The following SLC24A1 variants were observed in gnomAD, a reference collection of about 807,000 sequenced individuals.
SLC24A1 encodes the protein sodium/potassium/calcium exchanger 1.
In SLC24A1, 52 loss-of-function variants were observed where a neutral mutation model predicts 88.1. The ratio of observed to expected loss-of-function variants is 0.59; its 90% CI spans 0.47 to 0.74. The LOEUF (loss-of-function observed/expected upper bound fraction) is 0.74, where lower values mean the gene tolerates loss of function less well. Among genes scored for constraint, SLC24A1 ranks in the 30% least tolerant of loss-of-function variants. SLC24A1 has a pLI of 0.00. For missense variants in SLC24A1, 1,173 were observed against 1,363.3 expected, an observed-to-expected ratio of 0.86 and a Z score of 2.20; for synonymous variants, 455 against 498.0, an observed-to-expected ratio of 0.91 and a Z score of 1.15.
rs1194570484 is a variant in SLC24A1 at position 65,655,899 on chromosome 15, G to A, written c.*1820G>A. 1 of 985,102 alleles carries A rather than the reference G, an allele frequency of 1.0e-6. No homozygotes were observed. The highest frequency in any genetic ancestry group is 6.2e-5 in the Admixed American group (1 of 16,246). The allele number at this position is 985,102 out of a possible 1,614,324, so 61.0% of individuals were successfully genotyped here. A position where few individuals can be genotyped will look rare whatever the true frequency, so the allele number is the denominator to read the frequency against. On this transcript the variant is annotated 3_prime_UTR_variant, in exon 10 of 10. Transcript: ENST00000261892. ...ATGGATGGGCTCATCCTTATCTTTA[G>A]GTCATTTGGTCAGAATCCTCCCGAG...
downstream of SLC24A1, among the ~76,000 whole-genome samples, chr15:65,657,553 G>C (rs906366676): frequency 2.0e-5 from 3 of 152,214 alleles, no homozygotes; most frequent in African/African-American, 7.2e-5. Flanking sequence ...TGAGGCAGGA[G>C]AATGGCGTGA....
In SLC24A1 at chr15:65,645,455, A is replaced by G. The variant is rs185851821; in HGVS notation, c.2141-157A>G. On this transcript the variant is annotated intron_variant, in intron 5 of 9. Coordinates refer to ENST00000261892, the MANE Select transcript of SLC24A1 (RefSeq NM_004727.3). ...ATAGGTCAGGGCAATAACAATTCAC[A>G]TCATCTTACTTTTCCTACCAACAAG... Among the ~76,000 whole-genome samples, 33 of 152,332 alleles carry G rather than the reference A, an allele frequency of 2.2e-4. No homozygotes were observed. The East Asian group carries it at 6.0e-3, about 28-fold the overall frequency.
chr15:65,626,458 A>T (rs906122451), intron 2 of SLC24A1, among the ~76,000 whole-genome samples: 28 of 152,304 alleles, frequency 1.8e-4, no homozygotes, highest in African/African-American at 6.7e-4. Context: ...ATTAGTTCAC[A>T]TTCCAGACTT....
downstream of SLC24A1, chr15:65,660,136 T>C (rs955591231): frequency 1.5e-5 from 9 of 584,972 alleles, no homozygotes; most frequent in Non-Finnish European, 1.5e-5. Context: ...AGCTTGGATC[T>C]GAATAGTAAA....
rs139952685 is a variant in SLC24A1 at position 65,648,793 on chromosome 15, C to A, written c.2233-1589C>A. On this transcript the variant is annotated intron_variant, in intron 6 of 9. Transcript: ENST00000261892. The stretch of plus-strand genomic sequence containing the variant: ...GAGATTACAGGTGTGAGCCACCGTG[C>A]CCAGCCTATCTCTTAAATTTTTTAC... Among the ~76,000 whole-genome samples, 1,083 of 152,196 alleles carry A rather than the reference C, an allele frequency of 7.1e-3. 12 individuals carry two copies. The highest frequency in any genetic ancestry group is 0.04 in the South Asian group (193 of 4,812).
intron 2 of SLC24A1, among the ~76,000 whole-genome samples, chr15:65,632,926 G>A (rs1473225678): frequency 2.0e-5 from 3 of 152,232 alleles, no homozygotes; most frequent in East Asian, 3.8e-4. Flanking sequence ...CTTCTCAGTG[G>A]GAAAGACAGA....
chr15:65,618,161 A>G (rs1486614774), upstream of SLC24A1, among the ~76,000 whole-genome samples: 1 of 152,222 alleles, frequency 6.6e-6, no homozygotes, highest in African/African-American at 2.4e-5. Flanking sequence ...TTCTATATCT[A>G]TTGGTGACAG....
intron 2 of SLC24A1, among the ~76,000 whole-genome samples, chr15:65,615,592 A>G (rs916537794): frequency 6.6e-6 from 1 of 151,946 alleles, no homozygotes; most frequent in Admixed American, 6.6e-5. Context: ...GAGGCATGAG[A>G]ATCGCCTGAA....
Position 65,625,537 on chromosome 15 carries a change from A to T in SLC24A1, c.1457A>T (p.Asp486Val). Residue 486 changes from aspartate to valine, a missense_variant, in exon 2 of 10, where the codon GAC becomes GTC. Physicochemically the swap from Asp to Val is radical, Grantham distance 152. Coordinates refer to ENST00000261892, the MANE Select transcript of SLC24A1 (RefSeq NM_004727.3). ...YFVPALGVIT[D>V]KLQISEDVAG... ...GTTCCAGCCCTGGGTGTCATCACAG[A>T]CAAGCTGCAGATCTCCGAGGATGTG... 1 of 1,614,014 alleles carries T rather than the reference A, an allele frequency of 6.2e-7. No homozygotes were observed.
intron 4 of SLC24A1, chr15:65,643,852 C>T (rs2075216591): frequency 6.5e-6 from 1 of 153,802 alleles, no homozygotes; most frequent in African/African-American, 2.4e-5. Context: ...CCCTTTTCCA[C>T]TGGAGAGGGA....
chr15:65,656,396 C>A, downstream of SLC24A1: 1 of 270,424 alleles, frequency 3.7e-6, no homozygotes. Flanking sequence ...TAGGAATTCA[C>A]TGGGGGAGAG....
rs374148087 is a variant in SLC24A1 at position 65,625,856 on chromosome 15, C to T, written c.1776C>T (p.Ala592=). The change falls in exon 2 of 10, where the codon GCC becomes GCT. Residue 592 remains alanine (A), a synonymous_variant. Transcript: ENST00000261892. ...GGGAGAGCCTGCTGCTGCTGCTGGC[C>T]TATGCCTTCTATGTGTTCACCATGA... ...AWWESLLLLL[A]YAFYVFTMKW... The T allele has an allele frequency of 1.5e-4, 245 of 1,614,000 alleles. No individual in the cohort carries two copies. The highest frequency in any genetic ancestry group is 1.9e-4 in the Non-Finnish European group (223 of 1,179,878).
intron 8 of SLC24A1, 57 bp from the exon 9 acceptor site, chr15:65,652,585 T>TA: frequency 6.5e-7 from 1 of 1,527,394 alleles, no homozygotes; most frequent in East Asian, 2.3e-5. Flanking sequence ...AGGATGTGGA[T>TA]AGTGCTTGGA....
Position 65,638,189 on chromosome 15 carries a change from C to A in SLC24A1, c.1944+8C>A. On this transcript the variant is annotated splice_region_variant and intron_variant, in intron 3 of 9. Coordinates refer to ENST00000261892, the MANE Select transcript of SLC24A1 (RefSeq NM_004727.3). ...GATAACAAGAAGCTGAAGGTGGGTGCCGTATGGAGTCTGCCCAGTGGGGAC... is the reference window on the plus strand; with the variant it reads ...GATAACAAGAAGCTGAAGGTGGGTGACGTATGGAGTCTGCCCAGTGGGGAC... The A allele has an allele frequency of 6.3e-7, 1 of 1,592,534 alleles. No homozygotes were observed.
At chr15:65,641,214 A>G (rs1566958784) in intron 4 of SLC24A1, among the ~76,000 whole-genome samples, 1 of 151,726 alleles carries the variant, frequency 6.6e-6, no homozygotes, top group East Asian at 1.9e-4. Context: ...CTCTACTAAA[A>G]ACACAAAAAT....
chr15:65,652,753 G>A lies in SLC24A1; in HGVS notation c.2995G>A (p.Gly999Arg), dbSNP rs773899092. ...TGTGATTGTCGCTCGAAAAGGCCTG[G>A]GAGACATGGCTGTGTCAAGCTCTGT... is the stretch of plus-strand genomic sequence containing the variant. ...TSVIVARKGL[G>R]DMAVSSSVGS... Residue 999 changes from glycine to arginine, a missense_variant, in exon 9 of 10, where the codon GGA becomes AGA. By Grantham distance (125) the Gly-to-Arg change is moderately radical. Transcript: ENST00000261892. 2.5e-6 allele frequency: 4 copies of A among 1,613,658 alleles called. No individual in the cohort carries two copies. The Admixed American group carries it at 6.7e-5, about 27-fold the overall frequency.
chr15:65,626,130 G>T (rs1596310043), intron 2 of SLC24A1, among the ~76,000 whole-genome samples, 160 bp downstream of exon 2: 1 of 152,314 alleles, frequency 6.6e-6, no homozygotes, highest in Admixed American at 6.5e-5. Flanking sequence ...TTCTCTGCCA[G>T]GCACTGTGCT....
intron 5 of SLC24A1, 26 bp from the exon 6 acceptor site, chr15:65,645,586 A>T (rs2075275684): frequency 1.3e-6 from 2 of 1,527,368 alleles, no homozygotes; most frequent in East Asian, 4.9e-5. Context: ...CACTCTTCTG[A>T]TGTAACCCAT....
downstream of SLC24A1, chr15:65,659,766 C>A (rs1338582698): frequency 6.5e-6 from 1 of 153,766 alleles, no homozygotes; most frequent in Non-Finnish European, 1.4e-5. Context: ...GGAAATACAA[C>A]CCTCTCCAAA....
Sources: allele counts gnomAD v4.1 joint callset (sites outside exome capture counted in the v4.1 genomes callset), GRCh38; gene constraint gnomAD v4.1.1; transcripts MANE v1.5; gene names NCBI Gene and HGNC (gene_info 2026-07-23, HGNC 2026-07-21).